Variants in HTR2C observed in about 807,000 individuals in gnomAD.
HTR2C encodes the protein 5-hydroxytryptamine receptor 2C, also known as 5-hydroxytryptamine (serotonin) receptor 2C, G protein-coupled.
In HTR2C, 5 loss-of-function variants were observed where a neutral mutation model predicts 21.0. The ratio of observed to expected loss-of-function variants is 0.24; its 90% CI spans 0.12 to 0.50. The LOEUF (loss-of-function observed/expected upper bound fraction) is 0.50. HTR2C is among the 20% of genes least tolerant of loss of function. The probability of loss-of-function intolerance (pLI) is 0.98; values close to 1 mark genes in which losing one functional copy is unlikely to be tolerated. For synonymous variants in HTR2C, 150 were observed against 145.3 expected, an observed-to-expected ratio of 1.03 and a Z score of -0.23; for missense variants, 271 against 371.2, an observed-to-expected ratio of 0.73 and a Z score of 2.22.
At chrX:114,720,894 A>G (rs1353447518) in intron 2 of HTR2C, among the ~76,000 whole-genome samples, 1 of 95,330 alleles carries the variant, frequency 1.0e-5, no homozygotes, top group African/African-American at 3.9e-5. Context: ...TATGTGCCAC[A>G]TTTTCTTAGT....
chrX:114,776,516 A>C (rs1184466791), intron 4 of HTR2C: 4 of 543,099 alleles, frequency 7.4e-6, no homozygotes, highest in Non-Finnish European at 1.3e-5. Flanking sequence ...CCAATGCTTC[A>C]TATCAGACTA....
At chrX:114,668,192 G>A (rs185007140) in intron 2 of HTR2C, among the ~76,000 whole-genome samples, 281 of 111,610 alleles carry the variant, frequency 2.5e-3, no homozygotes, top group African/African-American at 8.5e-3. Flanking sequence ...TTCTTAGCAC[G>A]TCTTCCTTTG....
rs782202128 is a variant in HTR2C, at chrX:114,666,642, CT to C, written c.-80+52769del. ...ATTTATGTAAGTAGTTGAACACTCA[CT>C]TTTTTTTCTTTCTTGACTTGATTTT... On this transcript the variant is annotated intron_variant, in intron 2 of 5. Coordinates refer to ENST00000276198, the MANE Select transcript of HTR2C (RefSeq NM_000868.4). Among the ~76,000 whole-genome samples, 16 of 110,739 alleles carry C rather than the reference CT, an allele frequency of 1.4e-4. No individual in the cohort carries two copies. In the South Asian group the frequency reaches 2.2e-3, roughly 16 times the overall value.
At chrX:114,862,497 T>C (rs2071013893) in intron 5 of HTR2C, among the ~76,000 whole-genome samples, 3 of 111,371 alleles carry the variant, frequency 2.7e-5, no homozygotes, top group African/African-American at 9.7e-5. Context: ...TTATTATTGC[T>C]TTTGCTATTT....
intron 4 of HTR2C, among the ~76,000 whole-genome samples, chrX:114,806,749 T>TACACCATATATATACACACCATATATAC (rs1569495957): frequency 8.1e-5 from 1 of 12,369 alleles, no homozygotes; most frequent in African/African-American, 1.2e-4. Flanking sequence ...ACCATATATA[T>TACACCATATATATACACACCATATATAC]ACACCATATA....
chrX:114,864,910 T>G (rs1260231489), intron 5 of HTR2C, among the ~76,000 whole-genome samples: 1 of 108,293 alleles, frequency 9.2e-6, no homozygotes, highest in African/African-American at 3.3e-5. Flanking sequence ...CTTTTTTTTT[T>G]TTTTGCTTTC....
At chrX:114,864,901 T>A (rs1192943670) in intron 5 of HTR2C, among the ~76,000 whole-genome samples, 1 of 10,668 alleles carries the variant, frequency 9.4e-5, no homozygotes, top group Admixed American at 2.4e-3. Context: ...TTTCTTTTTC[T>A]TTTTTTTTTT....
intron 4 of HTR2C, among the ~76,000 whole-genome samples, chrX:114,794,862 C>T (rs1556444692): frequency 1.8e-5 from 2 of 109,809 alleles, no homozygotes; most frequent in Non-Finnish European, 1.9e-5. Flanking sequence ...TTTATAGCAG[C>T]ATGATTTATA....
At chrX:114,726,524 C>T (rs191059045) in intron 2 of HTR2C, among the ~76,000 whole-genome samples, 28 of 112,573 alleles carry the variant, frequency 2.5e-4, no homozygotes, top group Middle Eastern at 4.6e-3. Context: ...TCCTCTTCGG[C>T]CATCTTGAGA....
At chrX:114,711,952 T>C (rs1264334584) in intron 2 of HTR2C, among the ~76,000 whole-genome samples, 1 of 111,960 alleles carries the variant, frequency 8.9e-6, no homozygotes, top group Non-Finnish European at 1.9e-5. Context: ...ATCAATTCTT[T>C]ATATCAATAA....
intron 2 of HTR2C, among the ~76,000 whole-genome samples, chrX:114,718,045 C>T (rs1473635952): frequency 8.1e-5 from 9 of 110,978 alleles, no homozygotes; most frequent in Non-Finnish European, 1.7e-4. Flanking sequence ...TTTTTTGAGA[C>T]AGGGTCTCAC....
chrX:114,652,740 G>A (rs1295832077), intron 2 of HTR2C: 2 of 366,351 alleles, frequency 5.5e-6, no homozygotes, highest in Non-Finnish European at 1.1e-5. Flanking sequence ...ACAATCCTAC[G>A]ACCCAGACAG....
At chrX:114,774,717 A>C (rs2070039475) in intron 4 of HTR2C, 1 of 295,529 alleles carries the variant, frequency 3.4e-6, no homozygotes, top group African/African-American at 2.8e-5. Context: ...AATTCCTAGT[A>C]ACTTACTACA....
At chrX:114,899,581 G>A (rs944256406) in intron 5 of HTR2C, among the ~76,000 whole-genome samples, 5 of 110,842 alleles carry the variant, frequency 4.5e-5, no homozygotes, top group Non-Finnish European at 7.6e-5. Flanking sequence ...GGTTTCCCAC[G>A]GTCGCACAAG....
intron 2 of HTR2C, 103 bp from the exon 3 acceptor site, chrX:114,726,755 G>A: frequency 2.6e-6 from 1 of 377,534 alleles, no homozygotes; most frequent in Non-Finnish European, 4.6e-6. Flanking sequence ...ATTAATAACT[G>A]TTTCTTATCA....
intron 2 of HTR2C, among the ~76,000 whole-genome samples, chrX:114,633,913 G>A (rs200396513): frequency 2.0e-5 from 2 of 100,981 alleles, no homozygotes; most frequent in South Asian, 4.8e-4. Flanking sequence ...AAAAAAGTAC[G>A]TTAAATATAT....
At chrX:114,707,441 A>T (rs1279291012) in intron 2 of HTR2C, among the ~76,000 whole-genome samples, 2 of 111,348 alleles carry the variant, frequency 1.8e-5, no homozygotes, top group African/African-American at 6.5e-5. Flanking sequence ...AACAATTTTA[A>T]AAACCATGTT....
At chrX:114,871,826 A>G (rs1480902809) in intron 5 of HTR2C, among the ~76,000 whole-genome samples, 2 of 103,837 alleles carry the variant, frequency 1.9e-5, no homozygotes, top group Non-Finnish European at 3.9e-5. Context: ...TTTTTTTATG[A>G]CAAACTGAAC....
At chrX:114,596,873 T>A (rs2147790887) in intron 1 of HTR2C, among the ~76,000 whole-genome samples, 1 of 111,602 alleles carries the variant, frequency 9.0e-6, no homozygotes, top group African/African-American at 3.3e-5. Flanking sequence ...CTGCTCTTGA[T>A]CTGTCTGAGT....
Sources: gnomAD v4.1 joint callset for allele counts (sites outside exome capture counted in the v4.1 genomes callset) on GRCh38, gnomAD v4.1.1 for gene constraint, MANE v1.5 for transcripts, NCBI Gene and HGNC (gene_info 2026-07-23, HGNC 2026-07-21) for gene names.